SELENBP1: variants seen among roughly 807,000 people sequenced by gnomAD.
SELENBP1 encodes the protein methanethiol oxidase.
A neutral mutation model predicts 61.0 loss-of-function variants in SELENBP1; 71 were observed. The observed-to-expected ratio is 1.16, with a 90% confidence interval of 0.96 to 1.42. The LOEUF (loss-of-function observed/expected upper bound fraction) is 1.42, where lower values mean the gene tolerates loss of function less well. Ranked by LOEUF, SELENBP1 falls within the 40% of genes most tolerant of loss-of-function variation. SELENBP1 has a pLI of 0.00. For missense variants in SELENBP1, 561 were observed against 605.0 expected (o/e 0.93, Z 0.76); for synonymous variants, 270 against 238.9 (o/e 1.13, Z -1.20).
At chr1:151,371,033 A>G (rs1652112356) in intron 1 of SELENBP1, among the ~76,000 whole-genome samples, 1 of 152,158 alleles carries the variant, frequency 6.6e-6, no homozygotes, top group Non-Finnish European at 1.5e-5. Context: ...TATTCTACCT[A>G]CTTTGCTAGG....
intron 6 of SELENBP1, 78 bp from the exon 7 acceptor site, chr1:151,366,531 A>G: frequency 2.0e-6 from 3 of 1,516,068 alleles, no homozygotes; most frequent in Non-Finnish European, 2.7e-6. Flanking sequence ...GCCACCAATC[A>G]GGGCAGAAGG....
At chr1:151,368,782 C>A (rs1447726748) in intron 4 of SELENBP1, among the ~76,000 whole-genome samples, 1 of 152,202 alleles carries the variant, frequency 6.6e-6, no homozygotes, top group Admixed American at 6.5e-5. Flanking sequence ...AAACAAGAAG[C>A]CTTGTCCCTC....
intron 9 of SELENBP1, 130 bp downstream of exon 9, chr1:151,365,433 C>T: frequency 1.3e-6 from 2 of 1,496,064 alleles, no homozygotes; most frequent in Non-Finnish European, 1.8e-6. Flanking sequence ...CTGTGCTGTC[C>T]CACAGCACAC....
intron 5 of SELENBP1, chr1:151,367,453 CA>C (rs970052167): frequency 3.6e-5 from 5 of 140,784 alleles, no homozygotes; most frequent in African/African-American, 1.3e-4. Flanking sequence ...GGCCAGGTGG[CA>C]GGGGGGCCTT....
chr1:151,365,140 C>G, intron 10 of SELENBP1, 49 bp downstream of exon 10: 1 of 1,595,044 alleles, frequency 6.3e-7, no homozygotes, highest in Non-Finnish European at 8.6e-7. Context: ...CCACATATTC[C>G]TCAAGCATGG....
intron 7 of SELENBP1, 170 bp downstream of exon 7, chr1:151,366,105 C>T (rs1288919378): frequency 9.7e-6 from 8 of 826,876 alleles, no homozygotes; most frequent in Non-Finnish European, 1.5e-5. Context: ...ATAAATACGG[C>T]CAGTTAGGGT....
intron 7 of SELENBP1, 161 bp downstream of exon 7, chr1:151,366,114 G>A: frequency 1.1e-6 from 1 of 879,012 alleles, no homozygotes; most frequent in South Asian, 1.6e-5. Context: ...GCCAGTTAGG[G>A]TTCAGGCAGA....
Position 151,365,687 on chromosome 1 carries a change from G to T in SELENBP1, c.923-3C>A, listed in dbSNP as rs1382520804. 1.2e-6 allele frequency: 2 copies of T among 1,614,084 alleles called. No homozygotes were observed. The highest frequency in any genetic ancestry group is 1.7e-6 in the Non-Finnish European group (2 of 1,180,040). On this transcript the variant is annotated splice_polypyrimidine_tract_variant and splice_region_variant and intron_variant, in intron 8 of 11. Coordinates refer to ENST00000368868, the MANE Select transcript of SELENBP1 (RefSeq NM_003944.4). ...GAGCAGGATGTCGGTGATCAGGCCT[G>T]TGGGCAGGGGGCGAGTAGAGCCTTT...
chr1:151,370,767 T>G lies in SELENBP1; in HGVS notation c.5-998A>C, dbSNP rs150217161. Among the ~76,000 whole-genome samples, 9 of 152,318 alleles carry G rather than the reference T, an allele frequency of 5.9e-5. No homozygotes were observed. In the East Asian group the frequency reaches 1.4e-3, roughly 23 times the overall value. ...AACCCTGGAGTGGAGTCCACAGGCCTGGGCCCTGTCTCCTGCCTTGTCCTG... is the reference window on the plus strand; with the variant it reads ...AACCCTGGAGTGGAGTCCACAGGCCGGGGCCCTGTCTCCTGCCTTGTCCTG... On this transcript the variant is annotated intron_variant, in intron 1 of 11. Transcript: ENST00000368868.
intron 1 of SELENBP1, among the ~76,000 whole-genome samples, chr1:151,371,534 G>T (rs1652139374): frequency 6.6e-6 from 1 of 152,064 alleles, no homozygotes; most frequent in Admixed American, 6.6e-5. Context: ...GGGAGAGAGA[G>T]AGAGGTCCAG....
chr1:151,372,588 T>C, intron 1 of SELENBP1, 50 bp downstream of exon 1: 1 of 1,613,360 alleles, frequency 6.2e-7, no homozygotes, highest in Non-Finnish European at 8.5e-7. Flanking sequence ...GCCTTCCAAA[T>C]TAGGGGCAGA....
At chr1:151,366,546 G>A (rs2102092928) in intron 6 of SELENBP1, 93 bp from the exon 7 acceptor site, 1 of 1,474,946 alleles carries the variant, frequency 6.8e-7, no homozygotes, top group Non-Finnish European at 9.3e-7. Flanking sequence ...AGAAGGTTAA[G>A]AAATGGATTG....
At chr1:151,368,955 G>T (rs1417404288) in intron 4 of SELENBP1, 49 bp downstream of exon 4, 1 of 1,549,528 alleles carries the variant, frequency 6.5e-7, no homozygotes, top group Non-Finnish European at 8.8e-7. Flanking sequence ...ACTACCTGGG[G>T]TGGCAGGTGT....
At chr1:151,368,542 G>A (rs1042359053) in intron 4 of SELENBP1, among the ~76,000 whole-genome samples, 8 of 152,202 alleles carry the variant, frequency 5.3e-5, no homozygotes, top group Non-Finnish European at 1.2e-4. Context: ...GGCAGAAAGC[G>A]CTGACCTTTC....
Position 151,368,629 on chromosome 1 carries a change from C to T in SELENBP1, c.361-310G>A, listed in dbSNP as rs1651977222. 3.3e-5 allele frequency among the ~76,000 whole-genome samples: 5 copies of T among 152,212 alleles called. No homozygotes were observed. The South Asian group carries it at 1.0e-3, about 31-fold the overall frequency. On this transcript the variant is annotated intron_variant, in intron 4 of 11. Coordinates refer to ENST00000368868, the MANE Select transcript of SELENBP1 (RefSeq NM_003944.4). ...AGGCTGGCCTACACCAGTGTCAACT[C>T]TGTATTACCAGTAGACAACACAGTA...
At chr1:151,370,698 A>T (rs1219563273) in intron 1 of SELENBP1, among the ~76,000 whole-genome samples, 1 of 152,116 alleles carries the variant, frequency 6.6e-6, no homozygotes, top group East Asian at 1.9e-4. Flanking sequence ...CCTGCTGGGG[A>T]GCAGGGGTTA....
intron 1 of SELENBP1, 126 bp from the exon 2 acceptor site, chr1:151,369,895 C>G (rs770716930): frequency 1.1e-4 from 167 of 1,549,034 alleles, no homozygotes; most frequent in Non-Finnish European, 1.3e-4. Flanking sequence ...CCACTCCAGC[C>G]TCATCGCTCT....
Position 151,364,570 on chromosome 1 carries a change from G to A in SELENBP1, c.1392C>T (p.Gly464=), listed in dbSNP as rs374727080. 16 of 1,613,992 alleles carry A rather than the reference G, an allele frequency of 9.9e-6. No individual in the cohort carries two copies. The highest frequency in any genetic ancestry group is 8.0e-5 in the African/African-American group (6 of 74,906). ...ALAHELRYPG[G]DCSSDIWI The stretch of plus-strand genomic sequence containing the variant: ...AAATCCAGATGTCAGAGCTACAATC[G>A]CCCCCAGGGTAGCGGAGCTCATGGG... Residue 464 remains glycine, a synonymous_variant, in exon 12 of 12, where the codon GGC becomes GGT. Coordinates refer to ENST00000368868, the MANE Select transcript of SELENBP1 (RefSeq NM_003944.4).
chr1:151,365,133 C>T (rs983469594), intron 10 of SELENBP1, 56 bp downstream of exon 10: 2 of 1,589,042 alleles, frequency 1.3e-6, no homozygotes, highest in Non-Finnish European at 1.7e-6. Flanking sequence ...TGCTCCCCCA[C>T]ATATTCCTCA....
Sources: gnomAD v4.1 joint callset for allele counts (sites outside exome capture counted in the v4.1 genomes callset) on GRCh38, gnomAD v4.1.1 for gene constraint, MANE v1.5 for transcripts, NCBI Gene and HGNC (gene_info 2026-07-23, HGNC 2026-07-21) for gene names.